Variants in PDE4B observed in about 807,000 individuals in gnomAD.
PDE4B encodes the protein 3',5'-cyclic-AMP phosphodiesterase 4B.
A neutral mutation model predicts 82.2 loss-of-function variants in PDE4B; 20 were observed. That is an observed-to-expected ratio of 0.24 (90% CI 0.17 to 0.35). The LOEUF (loss-of-function observed/expected upper bound fraction) is 0.35. PDE4B is among the 10% of genes least tolerant of loss of function. The pLI, the probability that PDE4B is intolerant of heterozygous loss-of-function variation, is 1.00. For synonymous variants in PDE4B, 320 were observed against 318.9 expected (o/e 1.00, Z -0.04); for missense variants, 655 against 907.2 (o/e 0.72, Z 3.57).
intron 3 of PDE4B, among the ~76,000 whole-genome samples, chr1:66,054,937 A>G (rs760147677): frequency 6.6e-6 from 1 of 152,126 alleles, no homozygotes; most frequent in Non-Finnish European, 1.5e-5. Flanking sequence ...CTGCCTTCAG[A>G]TTGGAGAGAA....
At chr1:66,205,953 C>A (rs1479140378) in intron 3 of PDE4B, among the ~76,000 whole-genome samples, 2 of 152,170 alleles carry the variant, frequency 1.3e-5, no homozygotes. Flanking sequence ...CAGGGACTTT[C>A]TAGACACTCA....
intron 3 of PDE4B, among the ~76,000 whole-genome samples, chr1:66,138,455 G>A (rs560596570): frequency 6.6e-6 from 1 of 152,150 alleles, no homozygotes; most frequent in Non-Finnish European, 1.5e-5. Flanking sequence ...GGAGGCGGAG[G>A]TTGCAGTGAG....
At chr1:65,903,271 A>G (rs1161647957) in intron 1 of PDE4B, among the ~76,000 whole-genome samples, 1 of 152,126 alleles carries the variant, frequency 6.6e-6, no homozygotes, top group African/African-American at 2.4e-5. Flanking sequence ...CTGGCCTCTC[A>G]TTTCCTGCAT....
At chr1:66,285,936 T>C (rs1411868997) in intron 7 of PDE4B, among the ~76,000 whole-genome samples, 1 of 152,198 alleles carries the variant, frequency 6.6e-6, no homozygotes. Context: ...TTTAGGATGC[T>C]TGATTCTATG....
chr1:66,091,160 G>A (rs545533887), intron 3 of PDE4B, among the ~76,000 whole-genome samples: 1 of 151,978 alleles, frequency 6.6e-6, no homozygotes, highest in South Asian at 2.1e-4. Context: ...CAATTAACGA[G>A]ACACCCTAGG....
At chr1:66,189,682 C>T (rs1647567708) in intron 3 of PDE4B, among the ~76,000 whole-genome samples, 1 of 152,132 alleles carries the variant, frequency 6.6e-6, no homozygotes, top group Non-Finnish European at 1.5e-5. Flanking sequence ...TTTCAGCTCC[C>T]TCAGGTCCTT....
chr1:66,085,260 G>T (rs1441818606), intron 3 of PDE4B, among the ~76,000 whole-genome samples: 1 of 152,138 alleles, frequency 6.6e-6, no homozygotes, highest in African/African-American at 2.4e-5. Context: ...CATTGAATTA[G>T]GGAGTAAGTG....
chr1:66,245,059 T>G (rs1382737822), intron 3 of PDE4B, among the ~76,000 whole-genome samples: 1 of 152,104 alleles, frequency 6.6e-6, no homozygotes, highest in Non-Finnish European at 1.5e-5. Context: ...GCATACCCAC[T>G]TGGCACCTGC....
chr1:66,072,138 C>T (rs1235451208), intron 3 of PDE4B, among the ~76,000 whole-genome samples: 1 of 152,030 alleles, frequency 6.6e-6, no homozygotes, highest in Non-Finnish European at 1.5e-5. Context: ...AAGCTTTAAG[C>T]CAAATCATTC....
At chr1:65,956,318 A>T (rs1014693931) in intron 3 of PDE4B, among the ~76,000 whole-genome samples, 1 of 152,106 alleles carries the variant, frequency 6.6e-6, no homozygotes, top group Non-Finnish European at 1.5e-5. Context: ...TCAGGAAACA[A>T]AAGGTGCTGG....
intron 3 of PDE4B, among the ~76,000 whole-genome samples, chr1:66,150,109 T>G (rs1646361410): frequency 1.3e-5 from 2 of 152,184 alleles, no homozygotes; most frequent in African/African-American, 4.8e-5. Flanking sequence ...TCCATTGATC[T>G]CTATGTATAT....
intron 8 of PDE4B, among the ~76,000 whole-genome samples, chr1:66,341,519 G>A (rs1281836581): frequency 6.6e-6 from 1 of 152,172 alleles, no homozygotes; most frequent in Non-Finnish European, 1.5e-5. Flanking sequence ...ACTAGTTGGA[G>A]TGAGTTACTT....
intron 3 of PDE4B, among the ~76,000 whole-genome samples, chr1:66,210,625 AG>A (rs1457596155): frequency 6.7e-6 from 1 of 150,206 alleles, no homozygotes; most frequent in Non-Finnish European, 1.5e-5. Flanking sequence ...AAAAAGAAAA[AG>A]GAAAAAAAGA....
chr1:65,897,988 G>A (rs1557805080), intron 1 of PDE4B, among the ~76,000 whole-genome samples: 1 of 151,886 alleles, frequency 6.6e-6, no homozygotes, highest in East Asian at 1.9e-4. Context: ...CTACAATCTT[G>A]CAATCATCTG....
chr1:65,794,959 T>A (rs558093229), intron 1 of PDE4B, among the ~76,000 whole-genome samples: 127 of 152,356 alleles, frequency 8.3e-4, no homozygotes, highest in African/African-American at 2.6e-3. Context: ...ATGAATTGTC[T>A]TAAATTTCTC....
chr1:66,260,678 A>T (rs1654615348), intron 6 of PDE4B, among the ~76,000 whole-genome samples: 1 of 152,148 alleles, frequency 6.6e-6, no homozygotes, highest in African/African-American at 2.4e-5. Flanking sequence ...TGTTAGTAGT[A>T]TCAGAACATT....
At chr1:66,194,453 A>G (rs1648099794) in intron 3 of PDE4B, among the ~76,000 whole-genome samples, 1 of 152,320 alleles carries the variant, frequency 6.6e-6, no homozygotes, top group South Asian at 2.1e-4. Context: ...TGACAGCAAG[A>G]AAGGTTACAA....
At chr1:66,315,536 A>G (rs548238682) in intron 7 of PDE4B, among the ~76,000 whole-genome samples, 2 of 151,728 alleles carry the variant, frequency 1.3e-5, no homozygotes, top group East Asian at 3.9e-4. Context: ...GCTCACTACA[A>G]CCTCCGCCTC....
chr1:66,101,610 G>A (rs1163770807), intron 3 of PDE4B, among the ~76,000 whole-genome samples: 1 of 152,038 alleles, frequency 6.6e-6, no homozygotes, highest in African/African-American at 2.4e-5. Flanking sequence ...TCATGTGTCT[G>A]TTGGCTGCAT....
Sources: allele counts gnomAD v4.1 joint callset (sites outside exome capture counted in the v4.1 genomes callset), GRCh38; gene constraint gnomAD v4.1.1; transcripts MANE v1.5; gene names NCBI Gene and HGNC (gene_info 2026-07-23, HGNC 2026-07-21).